Variants in KCNK2 observed in about 807,000 individuals in gnomAD.
KCNK2 encodes potassium two pore domain channel subfamily K member 2, also known as potassium channel subfamily K member 2.
In KCNK2, 21 loss-of-function variants were observed where a neutral mutation model predicts 40.5. The ratio of observed to expected loss-of-function variants is 0.52; its 90% confidence interval spans 0.37 to 0.75. The LOEUF (loss-of-function observed/expected upper bound fraction) is 0.75. Among genes scored for constraint, KCNK2 ranks in the 30% least tolerant of loss-of-function variants. The pLI, the probability that KCNK2 is intolerant of heterozygous loss-of-function variation, is 0.00. For missense variants in KCNK2, 399 were observed against 531.6 expected (o/e 0.75, Z 2.45); for synonymous variants, 191 against 202.2 (o/e 0.94, Z 0.47).
chr1:215,147,376 A>G (rs183505565), intron 3 of KCNK2, among the ~76,000 whole-genome samples: 52 of 152,346 alleles, frequency 3.4e-4, no homozygotes, highest in Non-Finnish European at 2.9e-4. Flanking sequence ...GGTGTTATAG[A>G]GGAACAGTGT....
chr1:215,177,740 A>ATATATTTTTTTT (rs71167812), intron 5 of KCNK2, among the ~76,000 whole-genome samples: 18 of 101,598 alleles, frequency 1.8e-4, no homozygotes, highest in East Asian at 5.6e-4. Context: ...ATATATATAT[A>ATATATTTTTTTT]TTTTTTTTTT....
intron 6 of KCNK2, among the ~76,000 whole-genome samples, chr1:215,220,093 G>A (rs1049842646): frequency 1.3e-5 from 2 of 152,138 alleles, no homozygotes; most frequent in African/African-American, 2.4e-5. Flanking sequence ...ACTCTTAGTT[G>A]ACAGAGCTAA....
At chr1:215,168,163 A>G (rs10158967) in intron 3 of KCNK2, among the ~76,000 whole-genome samples, 19,103 of 152,210 alleles carry the variant, frequency 0.13, 2,505 homozygotes, top group African/African-American at 0.33. Flanking sequence ...GCACAATGAG[A>G]TACCAACTCA....
chr1:215,079,925 G>T (rs921136154), upstream of KCNK2, among the ~76,000 whole-genome samples: 4 of 152,124 alleles, frequency 2.6e-5, no homozygotes, highest in African/African-American at 9.7e-5. Context: ...GATGATTCCT[G>T]TTAATGTTAC....
At chr1:215,056,487 G>A (rs1658168135) in intron 1 of KCNK2, among the ~76,000 whole-genome samples, 1 of 102,148 alleles carries the variant, frequency 9.8e-6, no homozygotes, top group Admixed American at 1.4e-4. Flanking sequence ...GCAACAGAGT[G>A]AGACTCAGTC....
intron 3 of KCNK2, among the ~76,000 whole-genome samples, chr1:215,138,820 T>C (rs1468709090): frequency 6.6e-6 from 1 of 152,238 alleles, no homozygotes; most frequent in African/African-American, 2.4e-5. Context: ...CTCTTTGTCT[T>C]TCTACAGTAT....
intron 6 of KCNK2, among the ~76,000 whole-genome samples, chr1:215,212,885 T>G (rs1486160702): frequency 6.6e-6 from 1 of 152,206 alleles, no homozygotes; most frequent in African/African-American, 2.4e-5. Context: ...TACCTCTCTC[T>G]CCCTTTGACA....
chr1:215,134,378 GT>G (rs1354351298), intron 3 of KCNK2, among the ~76,000 whole-genome samples: 1 of 152,174 alleles, frequency 6.6e-6, no homozygotes, highest in Non-Finnish European at 1.5e-5. Flanking sequence ...TCAGGGAATA[GT>G]TTACTGACAT....
intron 6 of KCNK2, among the ~76,000 whole-genome samples, chr1:215,226,620 C>T (rs746679588): frequency 2.5e-4 from 38 of 152,126 alleles, no homozygotes; most frequent in Middle Eastern, 6.3e-3. Context: ...CCACCGCGCC[C>T]GGCCAACCTT....
chr1:215,040,769 C>T (rs550554771), intron 1 of KCNK2, among the ~76,000 whole-genome samples: 93 of 152,248 alleles, frequency 6.1e-4, no homozygotes, highest in South Asian at 1.7e-3. Flanking sequence ...TATCAACTTT[C>T]AATGCCCAGC....
At chr1:215,226,288 A>G (rs1337881195) in intron 6 of KCNK2, among the ~76,000 whole-genome samples, 1 of 152,032 alleles carries the variant, frequency 6.6e-6, no homozygotes, top group Non-Finnish European at 1.5e-5. Flanking sequence ...AATTGTTAAC[A>G]TATCTTTTTT....
At chr1:215,230,499 A>C (rs1323999936) in intron 6 of KCNK2, among the ~76,000 whole-genome samples, 1 of 117,178 alleles carries the variant, frequency 8.5e-6, no homozygotes, top group African/African-American at 3.8e-5. Context: ...ACACACACAC[A>C]CACGGCTGTA....
intron 6 of KCNK2, among the ~76,000 whole-genome samples, chr1:215,214,703 GT>G (rs1665886081): frequency 6.6e-6 from 1 of 152,054 alleles, no homozygotes; most frequent in South Asian, 2.1e-4. Context: ...TGGCATGCCT[GT>G]ACCCCCAACT....
At chr1:215,195,840 C>T (rs1044798222) in intron 6 of KCNK2, among the ~76,000 whole-genome samples, 3 of 152,006 alleles carry the variant, frequency 2.0e-5, no homozygotes, top group Non-Finnish European at 4.4e-5. Context: ...GTATTTCTTG[C>T]TTCTGGGTCT....
intron 2 of KCNK2, among the ~76,000 whole-genome samples, chr1:215,092,557 G>C (rs368353743): frequency 1.3e-5 from 2 of 152,164 alleles, no homozygotes; most frequent in East Asian, 3.9e-4. Context: ...GCAGAGGCCA[G>C]TGCCAGCTCC....
chr1:215,219,270 A>G (rs1046115015), intron 6 of KCNK2, among the ~76,000 whole-genome samples: 15 of 152,246 alleles, frequency 9.9e-5, no homozygotes, highest in East Asian at 1.9e-4. Flanking sequence ...GCAGTGTTCC[A>G]GAGCACTGGC....
Sources: allele counts gnomAD v4.1 joint callset (sites outside exome capture counted in the v4.1 genomes callset), GRCh38; gene constraint gnomAD v4.1.1; transcripts MANE v1.5; gene names NCBI Gene and HGNC (gene_info 2026-07-23, HGNC 2026-07-21).